The following TCF7L2 variants were observed in gnomAD, a reference collection of about 807,000 sequenced individuals.
The protein encoded by TCF7L2 is transcription factor 7-like 2.
Under a neutral mutation model 77.9 loss-of-function variants are expected in TCF7L2, and 23 were observed. The observed-to-expected ratio is 0.30, with a 90% CI of 0.21 to 0.42. The LOEUF (loss-of-function observed/expected upper bound fraction) is 0.42, where lower values mean the gene tolerates loss of function less well. TCF7L2 is among the 10% of genes least tolerant of loss of function. The pLI is 1.00. For synonymous variants in TCF7L2, 413 were observed against 340.2 expected (o/e 1.21, Z -2.36); for missense variants, 654 against 793.1 (o/e 0.82, Z 2.11).
chr10:113,165,511 A>T (rs1009563809), intron 13 of TCF7L2, 44 bp from the exon 15 acceptor site: 1 of 1,601,664 alleles, frequency 6.2e-7, no homozygotes. Context: ...CTCCCTTGGC[A>T]TCTGTGCCCT....
intron 4 of TCF7L2, among the ~76,000 whole-genome samples, chr10:113,039,267 G>A (rs1342385083): frequency 1.3e-5 from 2 of 152,230 alleles, no homozygotes; most frequent in Non-Finnish European, 2.9e-5. Flanking sequence ...GCTTTTGACA[G>A]AAGTAGCTCC....
intron 4 of TCF7L2, among the ~76,000 whole-genome samples, chr10:112,970,665 C>T (rs530786740): frequency 1.3e-5 from 2 of 152,108 alleles, no homozygotes; most frequent in Non-Finnish European, 2.9e-5. Flanking sequence ...AATGAGGTGG[C>T]AGTGTTTGCA....
chr10:113,040,327 A>G (rs2052215751), intron 5 of TCF7L2, among the ~76,000 whole-genome samples: 1 of 152,174 alleles, frequency 6.6e-6, no homozygotes, highest in Admixed American at 6.5e-5. Flanking sequence ...CTACCTGGAA[A>G]TTTTACAAAC....
At chr10:113,146,901 TA>T (rs138431211) in intron 8 of TCF7L2, among the ~76,000 whole-genome samples, 3 of 150,902 alleles carry the variant, frequency 2.0e-5, no homozygotes, top group South Asian at 2.1e-4. Context: ...CTTTGAAAGT[TA>T]AAAAAAAACA....
At chr10:113,013,136 T>C (rs1029377070) in intron 4 of TCF7L2, among the ~76,000 whole-genome samples, 16 of 109,864 alleles carry the variant, frequency 1.5e-4, no homozygotes, top group East Asian at 4.0e-4. Flanking sequence ...TTTTTTTTTT[T>C]CAGACTGAGT....
chr10:112,979,866 G>A (rs748386707), intron 4 of TCF7L2, among the ~76,000 whole-genome samples: 80 of 152,286 alleles, frequency 5.3e-4, no homozygotes, highest in African/African-American at 1.3e-3. Context: ...TAGAATGTAC[G>A]TAAAATACTT....
chr10:113,119,075 G>T (rs1366331802), intron 5 of TCF7L2, among the ~76,000 whole-genome samples: 1 of 152,220 alleles, frequency 6.6e-6, no homozygotes, highest in Non-Finnish European at 1.5e-5. Flanking sequence ...TGTCATGTGT[G>T]AACCAGTGCG....
chr10:113,026,171 G>A (rs1400807651), intron 4 of TCF7L2, among the ~76,000 whole-genome samples: 1 of 151,652 alleles, frequency 6.6e-6, no homozygotes, highest in Non-Finnish European at 1.5e-5. Context: ...GAGCCACTGC[G>A]CCTGGCCTAC....
At position 112,975,584 on chromosome 10, in the gene TCF7L2, G is replaced by A. The variant is rs572180624; in HGVS notation, c.450+10960G>A. On this transcript the variant is annotated intron_variant, in intron 4 of 13. Transcript: ENST00000627217. ...GCAACTTCTGCCTCCTGGGTTCAAG[G>A]GATTCTCATACCTCAACCTCCCCAG... is the stretch of plus-strand genomic sequence containing the variant. Among the ~76,000 whole-genome samples the A allele has an allele frequency of 1.9e-4, 29 of 152,120 alleles. 1 individual carries two copies. The South Asian group carries it at 5.2e-3, about 27-fold the overall frequency.
At chr10:112,985,864 G>C (rs1012613878) in intron 4 of TCF7L2, among the ~76,000 whole-genome samples, 1 of 142,180 alleles carries the variant, frequency 7.0e-6, no homozygotes, top group Non-Finnish European at 1.5e-5. Flanking sequence ...TGTAGTTTGT[G>C]TGTGTGTGTG....
chr10:112,988,835 A>G (rs78286264), intron 4 of TCF7L2, among the ~76,000 whole-genome samples: 1 of 152,196 alleles, frequency 6.6e-6, no homozygotes, highest in Non-Finnish European at 1.5e-5. Context: ...TTTGAGCTCT[A>G]TCTGCCAGTT....
chr10:113,085,182 T>G (rs1240613036), intron 5 of TCF7L2, among the ~76,000 whole-genome samples: 1 of 151,776 alleles, frequency 6.6e-6, no homozygotes, highest in Non-Finnish European at 1.5e-5. Context: ...ACCTTTCACC[T>G]TGGCCTTCTG....
chr10:113,147,312 A>G (rs925697602), intron 8 of TCF7L2, among the ~76,000 whole-genome samples: 1 of 152,220 alleles, frequency 6.6e-6, no homozygotes. Flanking sequence ...GGGCCTGGAA[A>G]GACAGGTCAA....
intron 2 of TCF7L2, 103 bp from the exon 3 acceptor site, chr10:112,951,380 G>T: frequency 8.8e-7 from 1 of 1,137,530 alleles, no homozygotes; most frequent in Non-Finnish European, 1.1e-6. Flanking sequence ...GCGCCGGCCC[G>T]GTCGGGGCGC....
chr10:113,063,400 C>T (rs561870899), intron 5 of TCF7L2, among the ~76,000 whole-genome samples: 3 of 152,248 alleles, frequency 2.0e-5, no homozygotes, highest in Admixed American at 6.5e-5. Context: ...CTCCTTGTGT[C>T]CTCCCAGTTT....
intron 4 of TCF7L2, among the ~76,000 whole-genome samples, chr10:113,004,601 TA>T (rs2045161489): frequency 6.6e-6 from 1 of 152,224 alleles, no homozygotes. Flanking sequence ...GACTCAATCT[TA>T]AACGTCTTCA....
intron 5 of TCF7L2, among the ~76,000 whole-genome samples, chr10:113,065,553 A>G (rs1232381612): frequency 1.3e-5 from 2 of 152,196 alleles, no homozygotes; most frequent in East Asian, 3.8e-4. Context: ...AGCGCTTAAT[A>G]TGCAGCCTCG....
At chr10:113,022,659 T>A (rs1184995642) in intron 4 of TCF7L2, among the ~76,000 whole-genome samples, 3 of 152,226 alleles carry the variant, frequency 2.0e-5, no homozygotes, top group Admixed American at 1.3e-4. Flanking sequence ...ATCCTGATGA[T>A]ACTGATTATA....
chr10:113,124,729 G>A (rs912963363), intron 5 of TCF7L2, among the ~76,000 whole-genome samples: 1 of 151,746 alleles, frequency 6.6e-6, no homozygotes, highest in African/African-American at 2.4e-5. Flanking sequence ...CTATGTTGTA[G>A]AGAAAGTTCT....
Sources: gnomAD v4.1 joint callset for allele counts (sites outside exome capture counted in the v4.1 genomes callset) on GRCh38, gnomAD v4.1.1 for gene constraint, MANE v1.5 for transcripts, NCBI Gene and HGNC (gene_info 2026-07-23, HGNC 2026-07-21) for gene names.